Variants in ABI1 observed in about 807,000 individuals in gnomAD.
ABI1 encodes the protein Abelson interactor 1.
Under a neutral mutation model 54.6 loss-of-function variants are expected in ABI1, and 14 were observed. The ratio of observed to expected loss-of-function variants is 0.26; its 90% CI spans 0.17 to 0.40. The LOEUF (loss-of-function observed/expected upper bound fraction) is 0.40. ABI1 is among the 10% of genes least tolerant of loss of function. The probability of loss-of-function intolerance (pLI) is 1.00; values close to 1 mark genes in which losing one functional copy is unlikely to be tolerated. For missense variants in ABI1, 443 were observed against 598.3 expected, an observed-to-expected ratio of 0.74 and a Z score of 2.71; for synonymous variants, 194 against 209.3, an observed-to-expected ratio of 0.93 and a Z score of 0.63.
chr10:26,839,988 T>C (rs2049374969), intron 1 of ABI1, among the ~76,000 whole-genome samples: 1 of 151,600 alleles, frequency 6.6e-6, no homozygotes. Flanking sequence ...AGATCCTGTA[T>C]CAAAAAAAAC....
chr10:26,774,537 T>C (rs920766914), intron 3 of ABI1, among the ~76,000 whole-genome samples: 12 of 152,312 alleles, frequency 7.9e-5, no homozygotes, highest in African/African-American at 2.9e-4. Flanking sequence ...TGGGATTCTC[T>C]TATACATATC....
At chr10:26,767,137 G>A (rs529044146) in intron 6 of ABI1, among the ~76,000 whole-genome samples, 20 of 152,298 alleles carry the variant, frequency 1.3e-4, no homozygotes, top group Admixed American at 1.2e-3. Context: ...ATAACTGCTT[G>A]TTGAATATGA....
At chr10:26,792,670 G>T (rs1475246134) in intron 2 of ABI1, among the ~76,000 whole-genome samples, 1 of 152,122 alleles carries the variant, frequency 6.6e-6, no homozygotes, top group Non-Finnish European at 1.5e-5. Flanking sequence ...AATTAATTGT[G>T]TGGTAAACAA....
chr10:26,846,944 G>C (rs779767588), intron 1 of ABI1, among the ~76,000 whole-genome samples: 1 of 152,100 alleles, frequency 6.6e-6, no homozygotes, highest in Admixed American at 6.5e-5. Context: ...GGCAGCACCT[G>C]ATGTATACTT....
chr10:26,845,328 T>C (rs2049888266), intron 1 of ABI1, among the ~76,000 whole-genome samples: 1 of 152,318 alleles, frequency 6.6e-6, no homozygotes, highest in African/African-American at 2.4e-5. Context: ...TTTTCAGTGA[T>C]TTCTACATAG....
At chr10:26,822,529 G>A (rs956275503) in intron 2 of ABI1, among the ~76,000 whole-genome samples, 1 of 151,820 alleles carries the variant, frequency 6.6e-6, no homozygotes, top group Non-Finnish European at 1.5e-5. Flanking sequence ...CAATAAAAGA[G>A]TGAACTACTT....
At chr10:26,754,031 T>C (rs1169331487) in intron 9 of ABI1, among the ~76,000 whole-genome samples, 2 of 152,250 alleles carry the variant, frequency 1.3e-5, no homozygotes, top group East Asian at 1.9e-4. Flanking sequence ...CTTACTGATA[T>C]GGCAGTTCAA....
chr10:26,795,658 C>CA (rs140253669), intron 2 of ABI1, among the ~76,000 whole-genome samples: 3,406 of 148,548 alleles, frequency 0.023, 226 homozygotes, highest in East Asian at 0.2. Context: ...TGATAGCATC[C>CA]AAAAAAAAAT....
intron 7 of ABI1, chr10:26,763,934 CAGA>C (rs769698777): frequency 6.9e-5 from 111 of 1,612,794 alleles, no homozygotes; most frequent in Non-Finnish European, 8.5e-5. Flanking sequence ...GGTGGAGCTC[CAGA>C]AGGAGGAGGG....
chr10:26,856,153 G>A (rs1372906116), intron 1 of ABI1, among the ~76,000 whole-genome samples: 1 of 150,414 alleles, frequency 6.6e-6, no homozygotes, highest in East Asian at 1.9e-4. Flanking sequence ...GGGTGCAGTG[G>A]CATGCACCTG....
chr10:26,748,632 T>G lies in ABI1; in HGVS notation c.1384A>C (p.Asn462His). 6.2e-7 allele frequency: 1 copy of G among 1,613,708 alleles called. No individual in the cohort carries two copies. Among genetic ancestry groups the G allele is most frequent in the Non-Finnish European group, 8.5e-7 (1 of 1,179,812 alleles). Residue 462 changes from asparagine (N) to histidine (H), a missense_variant, in exon 11 of 11, where the codon AAT becomes CAT. By Grantham distance (68) the Asn-to-His change is moderately conservative. Transcript: ENST00000376140. ...NDDGWYEGVC[N>H]RVTGLFPGNY... is the part of the protein sequence containing the mutation. ...CCAGGGAACAGACCAGTCACTCGAT[T>G]GCAGACTCCTTCATACCAGCCATCA...
At chr10:26,810,070 A>G (rs1182829577) in intron 2 of ABI1, among the ~76,000 whole-genome samples, 1 of 152,172 alleles carries the variant, frequency 6.6e-6, no homozygotes, top group Non-Finnish European at 1.5e-5. Flanking sequence ...CTAGTTGGCC[A>G]TAAGTATGGG....
intron 2 of ABI1, among the ~76,000 whole-genome samples, chr10:26,783,095 T>C (rs772977601): frequency 6.6e-6 from 1 of 152,220 alleles, no homozygotes; most frequent in Non-Finnish European, 1.5e-5. Flanking sequence ...AAATGTGATA[T>C]ATACATACAA....
At chr10:26,832,427 C>CA (rs943493286) in intron 1 of ABI1, among the ~76,000 whole-genome samples, 18 of 151,530 alleles carry the variant, frequency 1.2e-4, no homozygotes, top group African/African-American at 4.4e-4. Flanking sequence ...TTAAAAAATA[C>CA]AAAAAAATTA....
intron 1 of ABI1, among the ~76,000 whole-genome samples, chr10:26,859,909 T>C (rs2051153776): frequency 6.6e-6 from 1 of 151,972 alleles, no homozygotes; most frequent in Admixed American, 6.6e-5. Flanking sequence ...TTAAGAACAA[T>C]TCGTGTTTGA....
chr10:26,769,678 G>GAAGC (rs966919986), intron 5 of ABI1, among the ~76,000 whole-genome samples: 11 of 152,206 alleles, frequency 7.2e-5, no homozygotes, highest in African/African-American at 2.7e-4. Context: ...TAGGAAGGAA[G>GAAGC]AAGCCACTGT....
chr10:26,768,381 A>G (rs2132702639), intron 6 of ABI1, among the ~76,000 whole-genome samples: 1 of 150,666 alleles, frequency 6.6e-6, no homozygotes, highest in South Asian at 2.1e-4. Context: ...CCCCGTCTCA[A>G]CTCAAAATTA....
chr10:26,786,220 C>CTT (rs112500030), intron 2 of ABI1, among the ~76,000 whole-genome samples: 19 of 146,572 alleles, frequency 1.3e-4, no homozygotes, highest in Admixed American at 3.4e-4. Flanking sequence ...CCTCTCTACA[C>CTT]TTTTTTTTTT....
At chr10:26,773,416 T>C (rs1474076587) in intron 3 of ABI1, among the ~76,000 whole-genome samples, 1 of 151,594 alleles carries the variant, frequency 6.6e-6, no homozygotes, top group African/African-American at 2.4e-5. Flanking sequence ...GCCAGGCTGG[T>C]CTCGAACTCC....
Sources: gnomAD v4.1 joint callset for allele counts (sites outside exome capture counted in the v4.1 genomes callset) on GRCh38, gnomAD v4.1.1 for gene constraint, MANE v1.5 for transcripts, NCBI Gene and HGNC (gene_info 2026-07-23, HGNC 2026-07-21) for gene names.